Variants in DUOX2 observed in about 807,000 individuals in gnomAD.
DUOX2 encodes dual oxidase 2.
In DUOX2, 185 loss-of-function variants were observed where a neutral mutation model predicts 183.3. The observed-to-expected ratio is 1.01, with a 90% CI of 0.90 to 1.14. DUOX2 has a LOEUF of 1.14. Among genes scored for constraint, DUOX2 ranks in the 50% most tolerant of loss-of-function variants. DUOX2 has a pLI of 0.00. For missense variants in DUOX2, 1,999 were observed against 2,022.9 expected, an observed-to-expected ratio of 0.99 and a Z score of 0.23; for synonymous variants, 788 against 812.4, an observed-to-expected ratio of 0.97 and a Z score of 0.51.
Position 45,106,889 on chromosome 15 carries a change from CA to C in DUOX2, c.1773del (p.Phe591LeufsTer20). ...ATGGCAAAACCAGGGCTGCTGCCTTCAAAGAAGTCAAGCACAGTCAGGGGTG... is the reference window on the plus strand; with the variant it reads ...ATGGCAAAACCAGGGCTGCTGCCTTCAAGAAGTCAAGCACAGTCAGGGGTG... ...QCAPLTVLDF[F>X]EGSSPGFAIT... On this transcript the variant is annotated frameshift_variant, in exon 15 of 34. Transcript: ENST00000389039. LOFTEE classifies it high-confidence loss of function. 6.3e-7 allele frequency: 1 copy of C among 1,585,698 alleles called. No individual in the cohort carries two copies. The highest frequency in any genetic ancestry group is 1.2e-5 in the South Asian group (1 of 86,542).
At chr15:45,105,953 C>G in intron 17 of DUOX2, 125 bp from the exon 18 acceptor site, 1 of 1,425,470 alleles carries the variant, frequency 7.0e-7, no homozygotes, top group Non-Finnish European at 9.7e-7. Flanking sequence ...AGGCTGGGGC[C>G]AGGTGTGTGG....
Position 45,095,574 on chromosome 15 carries a change from C to A in DUOX2, c.4102G>T (p.Gly1368Ter). 6.2e-7 allele frequency: 1 copy of A among 1,614,220 alleles called. No homozygotes were observed. The highest frequency in any genetic ancestry group is 8.5e-7 in the Non-Finnish European group (1 of 1,180,036). The stretch of plus-strand genomic sequence containing the variant: ...TTATGCCACTCCTGATGGCCCTCTC[C>A]AAACGGTCCATCAAGGTACAGCTGC... The part of the protein sequence containing the change: ...YPKLYLDGPF[G>*]EGHQEWHKFE... Residue 1368 changes from glycine (G) to a stop codon, truncating the protein, a stop_gained, in exon 31 of 34, where the codon GGA (glycine) becomes TGA (stop). Transcript: ENST00000389039. LOFTEE classifies it high-confidence loss of function.
chr15:45,103,073 G>T (rs1894122346), intron 20 of DUOX2, among the ~76,000 whole-genome samples: 1 of 152,242 alleles, frequency 6.6e-6, no homozygotes, highest in Non-Finnish European at 1.5e-5. Context: ...CCTCACCTCG[G>T]GCTGGGCCTG....
chr15:45,098,197 C>A, intron 26 of DUOX2, 139 bp from the exon 27 acceptor site: 1 of 782,196 alleles, frequency 1.3e-6, no homozygotes, highest in Non-Finnish European at 2.1e-6. Context: ...GGGATCCCTC[C>A]AAGGAACTTG....
Position 45,103,982 on chromosome 15 carries a change from C to T in DUOX2, c.2632G>A (p.Asp878Asn), listed in dbSNP as rs1894147550. The T allele has an allele frequency of 1.9e-6, 3 of 1,614,006 alleles. No individual in the cohort carries two copies. The highest frequency in any genetic ancestry group is 1.3e-5 in the African/African-American group (1 of 74,910). ...DLDENGFLSK[D>N]EFFTMMRSFI... Reference sequence around the variant, plus strand: ...TACCGCATCATGGTGAAGAATTCGTCCTTGGAGAGGAAGCCATTCTCATCC... The same window carrying T: ...TACCGCATCATGGTGAAGAATTCGTTCTTGGAGAGGAAGCCATTCTCATCC... Residue 878 changes from aspartate (D) to asparagine (N), a missense_variant, in exon 20 of 34, where the codon GAC becomes AAC. Transcript: ENST00000389039.
In DUOX2 at chr15:45,104,342, G is replaced by T. The variant is rs140319655; in HGVS notation, c.2358C>A (p.Asp786Glu). The T allele has an allele frequency of 1.2e-6, 2 of 1,613,708 alleles. No homozygotes were observed. Among genetic ancestry groups the T allele is most frequent in the African/African-American group, 1.3e-5 (1 of 74,904 alleles). The change falls in exon 19 of 34, where the codon GAC becomes GAA. Residue 786 changes from aspartate to glutamate, a missense_variant. Around this residue, in one of 3 missense-constraint regions of DUOX2, gnomAD observed 1,628 missense variants for 1,608.6 expected, o/e 1.01. Transcript: ENST00000389039. ...FAQVLDINQA[D>E]AGTLPLDSSQ... is the part of the protein sequence containing the mutation. Reference sequence around the variant, plus strand: ...AGGAGTCCAGGGGCAGGGTCCCTGCGTCGGCCTGGTTGATGTCCAGCACCT... The same window carrying T: ...AGGAGTCCAGGGGCAGGGTCCCTGCTTCGGCCTGGTTGATGTCCAGCACCT...
At chr15:45,097,183 T>C in intron 29 of DUOX2, 55 bp downstream of exon 29, 1 of 1,607,928 alleles carries the variant, frequency 6.2e-7, no homozygotes, top group Non-Finnish European at 8.5e-7. Flanking sequence ...TGTCTCCCCA[T>C]GTCTGAAGAT....
At chr15:45,101,072 T>C in intron 22 of DUOX2, 133 bp downstream of exon 22, 1 of 837,356 alleles carries the variant, frequency 1.2e-6, no homozygotes, top group Non-Finnish European at 2.0e-6. Flanking sequence ...GCTGGAATGT[T>C]TGTGCTACCA....
At chr15:45,108,003 C>T (rs1043617907) in intron 13 of DUOX2, 44 bp downstream of exon 13, 22 of 1,612,460 alleles carry the variant, frequency 1.4e-5, no homozygotes, top group African/African-American at 8.0e-5. Context: ...GTCTGGGGCT[C>T]AGGCTGAGGA....
In DUOX2 at chr15:45,111,812, A is replaced by T. The variant is rs769972993; in HGVS notation, c.469T>A (p.Trp157Arg). Residue 157 changes from tryptophan to arginine, a missense_variant, in exon 5 of 34, where the codon TGG becomes AGG. Around this residue, in one of 3 missense-constraint regions of DUOX2, gnomAD observed 356 missense variants for 356.4 expected, o/e 1.00. Transcript: ENST00000389039. Reference sequence around the variant, plus strand: ...GGACTCCGTCCGGTCTCGGGGTCCCAGCGGCTCCTCTGGAAGGGCAGCACC... The same window carrying T: ...GGACTCCGTCCGGTCTCGGGGTCCCTGCGGCTCCTCTGGAAGGGCAGCACC... Reference protein sequence around the residue: ...DVVLPFQRSRWDPETGRSPSN... With the variant: ...DVVLPFQRSRRDPETGRSPSN... 2 of 1,612,502 alleles carry T rather than the reference A, an allele frequency of 1.2e-6. No individual in the cohort carries two copies. The highest frequency in any genetic ancestry group is 2.7e-5 in the African/African-American group (2 of 74,928).
chr15:45,097,872 G>A (rs535765340), intron 27 of DUOX2, 131 bp from the exon 28 acceptor site: 82 of 1,557,504 alleles, frequency 5.3e-5, no homozygotes, highest in Middle Eastern at 1.7e-4. Context: ...AAGCCTGCCT[G>A]GAGGGATTTG....
intron 3 of DUOX2, 73 bp downstream of exon 3, chr15:45,112,914 C>G (rs1224664811): frequency 1.3e-6 from 2 of 1,578,880 alleles, no homozygotes; most frequent in Non-Finnish European, 1.7e-6. Flanking sequence ...CCGCAGATTC[C>G]CCGCTCAGGG....
chr15:45,104,444 A>G, intron 18 of DUOX2, 79 bp from the exon 19 acceptor site: 1 of 1,543,574 alleles, frequency 6.5e-7, no homozygotes, highest in Non-Finnish European at 8.8e-7. Context: ...GACCCTTCAT[A>G]TCTCCCCAAA....
chr15:45,101,386 A>C, intron 21 of DUOX2, 112 bp from the exon 22 acceptor site: 1 of 945,780 alleles, frequency 1.1e-6, no homozygotes, highest in Non-Finnish European at 1.7e-6. Flanking sequence ...CTCTGACTCG[A>C]GTCCTGTTTC....
rs144035428 is a variant in DUOX2 at position 45,102,106 on chromosome 15, C to A, written c.2655-117G>T. The A allele has an allele frequency of 4.2e-4, 567 of 1,337,380 alleles. 4 individuals carry two copies. In the African/African-American group the frequency reaches 7.5e-3, roughly 18 times the overall value. 82.8% of individuals were successfully genotyped at this position (1,337,380 alleles called of 1,614,324 possible). A position where few individuals can be genotyped will look rare whatever the true frequency, so the allele number is the denominator to read the frequency against. On this transcript the variant is annotated intron_variant, in intron 20 of 33. Transcript: ENST00000389039. ...TGGTTACCAGTGACCCGGGAAATGG[C>A]ACTGAGAAGGTGCTCATCCAGCCTG...
intron 21 of DUOX2, 107 bp downstream of exon 21, chr15:45,101,686 G>T (rs923750111): frequency 6.9e-7 from 1 of 1,450,568 alleles, no homozygotes; most frequent in Non-Finnish European, 9.6e-7. Flanking sequence ...TCTATACTAG[G>T]TACCAAGGAC....
intron 18 of DUOX2, among the ~76,000 whole-genome samples, chr15:45,105,350 C>G (rs1894183236): frequency 6.6e-6 from 1 of 152,232 alleles, no homozygotes; most frequent in Non-Finnish European, 1.5e-5. Context: ...AGGCCAACCT[C>G]TGTGTACCAC....
In DUOX2 at chr15:45,109,861, TC is replaced by T. The variant is rs3214521; in HGVS notation, c.1131+28del. 159 of 1,606,086 alleles carry T rather than the reference TC, an allele frequency of 9.9e-5. 2 individuals are homozygous for T. In the East Asian group the frequency reaches 3.5e-3, roughly 35 times the overall value. On this transcript the variant is annotated intron_variant, in intron 10 of 33. Transcript: ENST00000389039. Reference sequence around the variant, plus strand: ...GTGTGAAGAGACTGACCTTGACCCATCTTCCCCTGACCCTGACCCCAGTCTG... The same window carrying T: ...GTGTGAAGAGACTGACCTTGACCCATTTCCCCTGACCCTGACCCCAGTCTG...
chr15:45,097,461 G>T, intron 28 of DUOX2, 70 bp from the exon 29 acceptor site: 1 of 1,613,486 alleles, frequency 6.2e-7, no homozygotes. Flanking sequence ...TCTTGCCCAG[G>T]CACTAGGCCT....
Sources: allele counts gnomAD v4.1 joint callset (sites outside exome capture counted in the v4.1 genomes callset), GRCh38; gene constraint gnomAD v4.1.1; regional missense constraint gnomAD v4.1.1; transcripts MANE v1.5; gene names NCBI Gene and HGNC (gene_info 2026-07-23, HGNC 2026-07-21).